NUSAP1: variants seen among roughly 807,000 people sequenced by gnomAD.
The protein encoded by NUSAP1 is nucleolar and spindle associated protein 1, also known as nucleolar and spindle-associated protein 1.
A neutral mutation model predicts 52.8 loss-of-function variants in NUSAP1; 32 were observed. The ratio of observed to expected loss-of-function variants is 0.61; its 90% CI spans 0.46 to 0.81. The LOEUF (loss-of-function observed/expected upper bound fraction) is 0.81, where lower values mean the gene tolerates loss of function less well. NUSAP1 is among the 40% of genes least tolerant of loss of function. The pLI, the probability that NUSAP1 is intolerant of heterozygous loss-of-function variation, is 0.00. For missense variants in NUSAP1, 499 were observed against 522.3 expected (o/e 0.96, Z 0.43); for synonymous variants, 195 against 183.1 (o/e 1.06, Z -0.52).
chr15:41,378,432 C>A (rs2140884348), intron 10 of NUSAP1, among the ~76,000 whole-genome samples: 1 of 152,298 alleles, frequency 6.6e-6, no homozygotes, highest in Middle Eastern at 3.4e-3. Context: ...CCTCGTGACA[C>A]AGGGTTACCT....
At chr15:41,349,447 A>G (rs550492062) in intron 3 of NUSAP1, 37 of 475,360 alleles carry the variant, frequency 7.8e-5, no homozygotes, top group Non-Finnish European at 1.3e-4. Context: ...TTTAAGTATT[A>G]AGCTCACATT....
chr15:41,332,968 C>G lies in NUSAP1; in HGVS notation c.11C>G (p.Pro4Arg), dbSNP rs2047968367. 8.1e-6 allele frequency: 13 copies of G among 1,610,342 alleles called. No homozygotes were observed. The East Asian group carries it at 2.5e-4, about 30-fold the overall frequency. Residue 4 changes from proline to arginine, a missense_variant, in exon 1 of 11, where the codon CCC becomes CGC. Coordinates refer to ENST00000559596, the MANE Select transcript of NUSAP1 (RefSeq NM_016359.5). MII[P>R]SLEELDSLKY... The stretch of plus-strand genomic sequence containing the variant: ...GGATTTCGAATCGCGATGATCATCC[C>G]CTCTCTAGAGGAGCTGGACTCCCTC...
intron 3 of NUSAP1, 54 bp from the exon 4 acceptor site, chr15:41,350,934 G>A: frequency 6.8e-7 from 1 of 1,468,016 alleles, no homozygotes; most frequent in Non-Finnish European, 9.3e-7. Context: ...ATCTTTGGAA[G>A]GCAGCAATTC....
intron 8 of NUSAP1, among the ~76,000 whole-genome samples, chr15:41,371,923 A>G (rs1403439143): frequency 6.6e-6 from 1 of 151,924 alleles, no homozygotes; most frequent in African/African-American, 2.4e-5. Context: ...GACACATGCC[A>G]CCATGCCCGG....
At chr15:41,364,433 C>A (rs887775906) in intron 6 of NUSAP1, among the ~76,000 whole-genome samples, 6 of 151,990 alleles carry the variant, frequency 3.9e-5, no homozygotes, top group African/African-American at 1.2e-4. Flanking sequence ...GTAGTCCCAG[C>A]TATTTGGGAG....
chr15:41,362,979 G>A (rs1017465545), intron 6 of NUSAP1, among the ~76,000 whole-genome samples: 1 of 151,772 alleles, frequency 6.6e-6, no homozygotes, highest in Non-Finnish European at 1.5e-5. Context: ...TCAAAAAAAT[G>A]TATAGACATA....
intron 7 of NUSAP1, among the ~76,000 whole-genome samples, chr15:41,368,065 A>T (rs777567642): frequency 1.3e-5 from 2 of 152,134 alleles, no homozygotes; most frequent in Non-Finnish European, 2.9e-5. Context: ...CCAAAAATAA[A>T]ATTCTAAAAA....
chr15:41,345,349 T>C (rs17730888), intron 2 of NUSAP1: 72,287 of 333,642 alleles, frequency 0.22, 8,460 homozygotes, highest in Non-Finnish European at 0.25. Flanking sequence ...GGGATCCACA[T>C]TTTTCTATTC....
chr15:41,348,231 A>G (rs1224977023), intron 2 of NUSAP1, among the ~76,000 whole-genome samples: 2 of 152,188 alleles, frequency 1.3e-5, no homozygotes, highest in African/African-American at 4.8e-5. Flanking sequence ...GGCACTTGCC[A>G]CCACGCCTGG....
At chr15:41,355,662 T>TTTTTTG (rs560684365) in intron 4 of NUSAP1, among the ~76,000 whole-genome samples, 144 of 151,854 alleles carry the variant, frequency 9.5e-4, no homozygotes, top group Middle Eastern at 3.4e-3. Context: ...ACACGTTTTT[T>TTTTTTG]TTTTTGTTTT....
chr15:41,350,120 A>G (rs951205989), intron 3 of NUSAP1, among the ~76,000 whole-genome samples: 1 of 152,112 alleles, frequency 6.6e-6, no homozygotes, highest in African/African-American at 2.4e-5. Flanking sequence ...CAGTAAACTG[A>G]GGAACGGAGA....
intron 9 of NUSAP1, among the ~76,000 whole-genome samples, 187 bp downstream of exon 9, chr15:41,376,015 G>A (rs559936886): frequency 9.9e-5 from 15 of 152,082 alleles, no homozygotes; most frequent in African/African-American, 3.4e-4. Context: ...GCAGTGAGCC[G>A]AGACCGTGCC....
At chr15:41,360,744 AC>A (rs1305532528) in intron 6 of NUSAP1, among the ~76,000 whole-genome samples, 1 of 149,364 alleles carries the variant, frequency 6.7e-6, no homozygotes, top group Non-Finnish European at 1.5e-5. Flanking sequence ...GGCGTGAGCC[AC>A]CACTCCTGTC....
chr15:41,346,652 C>T (rs896187215), intron 2 of NUSAP1, among the ~76,000 whole-genome samples: 4 of 149,838 alleles, frequency 2.7e-5, no homozygotes, highest in African/African-American at 9.8e-5. Flanking sequence ...AATGGTGAAA[C>T]CCCATCTTTA....
intron 2 of NUSAP1, among the ~76,000 whole-genome samples, chr15:41,344,689 C>G (rs1469720402): frequency 6.6e-6 from 1 of 151,898 alleles, no homozygotes; most frequent in African/African-American, 2.4e-5. Context: ...GTCTGTAATA[C>G]CAGCACTTCG....
intron 7 of NUSAP1, among the ~76,000 whole-genome samples, chr15:41,371,187 TGGAGGA>T (rs368043352): frequency 2.3e-4 from 35 of 151,594 alleles, no homozygotes; most frequent in African/African-American, 7.3e-4. Context: ...TCCCCTAACC[TGGAGGA>T]GGAGGAGGAG....
chr15:41,377,102 G>A (rs1000135132), intron 9 of NUSAP1, 94 bp from the exon 10 acceptor site: 2 of 670,942 alleles, frequency 3.0e-6, no homozygotes, highest in Non-Finnish European at 5.2e-6. Context: ...AAGTATAAAT[G>A]TTGATAGCAG....
Position 41,356,115 on chromosome 15 carries a change from T to A in NUSAP1, c.525T>A (p.Asn175Lys). 1 of 1,604,112 alleles carries A rather than the reference T, an allele frequency of 6.2e-7. No homozygotes were observed. Among genetic ancestry groups the A allele is most frequent in the Non-Finnish European group, 8.5e-7 (1 of 1,174,598 alleles). ...ATGAGTCATCCAAACCTGGAAAAAA[T>A]AAAAGAACTGCAATCACTACTCCAA... is the stretch of plus-strand genomic sequence containing the variant. ...YTDESSKPGKNKRTAITTPNF... is the reference protein window; with the variant it reads ...YTDESSKPGKKKRTAITTPNF... The change falls in exon 5 of 11, where the codon AAT becomes AAA. Residue 175 changes from asparagine to lysine, a missense_variant. Coordinates refer to ENST00000559596, the MANE Select transcript of NUSAP1 (RefSeq NM_016359.5).
In NUSAP1 at chr15:41,380,309, T is replaced by C. The variant is rs921340227; in HGVS notation, c.*123T>C. 1.6e-6 allele frequency: 1 copy of C among 641,392 alleles called. No individual in the cohort carries two copies. The highest frequency in any genetic ancestry group is 2.8e-5 in the Admixed American group (1 of 35,846). The allele number at this position is 641,392 out of a possible 1,614,324, so 39.7% of individuals were successfully genotyped here. A position where few individuals can be genotyped will look rare whatever the true frequency, so the allele number is the denominator to read the frequency against. ...CTTTTTCTGCTAACTGTTCATAGTC[T>C]GTGTAGTGTCCATGGGTTCTTCATG... On this transcript the variant is annotated 3_prime_UTR_variant, in exon 11 of 11. Transcript: ENST00000559596.
Sources: allele counts gnomAD v4.1 joint callset (sites outside exome capture counted in the v4.1 genomes callset), GRCh38; gene constraint gnomAD v4.1.1; transcripts MANE v1.5; gene names NCBI Gene and HGNC (gene_info 2026-07-23, HGNC 2026-07-21).